The following PHF20 variants were observed in gnomAD, a reference collection of about 807,000 sequenced individuals.
The protein encoded by PHF20 is PHD finger protein 20.
In PHF20, 23 loss-of-function variants were observed where a neutral mutation model predicts 113.5. The observed-to-expected ratio is 0.20, with a 90% CI of 0.15 to 0.29. The LOEUF (loss-of-function observed/expected upper bound fraction) is 0.29, where lower values mean the gene tolerates loss of function less well. Among genes scored for constraint, PHF20 ranks in the 10% least tolerant of loss-of-function variants. The pLI is 1.00. For synonymous variants in PHF20, 434 were observed against 457.3 expected (o/e 0.95, Z 0.65); for missense variants, 943 against 1,219.6 (o/e 0.77, Z 3.38).
At chr20:35,829,390 GT>G (rs2042318271) in intron 2 of PHF20, among the ~76,000 whole-genome samples, 1 of 151,810 alleles carries the variant, frequency 6.6e-6, no homozygotes, top group Admixed American at 6.6e-5. Flanking sequence ...TTCTCACTCT[GT>G]TGCCAGGCTG....
intron 6 of PHF20, among the ~76,000 whole-genome samples, chr20:35,864,992 C>G (rs2146976806): frequency 6.6e-6 from 1 of 152,106 alleles, no homozygotes; most frequent in South Asian, 2.1e-4. Context: ...TTGAGACCAG[C>G]CTGGCCAACA....
chr20:35,824,359 A>G (rs1162663390), intron 2 of PHF20, among the ~76,000 whole-genome samples: 2 of 152,162 alleles, frequency 1.3e-5, no homozygotes, highest in African/African-American at 4.8e-5. Flanking sequence ...CTGTAATCCA[A>G]GCACTTTGGG....
At chr20:35,910,821 G>A (rs570027328) in intron 10 of PHF20, among the ~76,000 whole-genome samples, 1 of 152,112 alleles carries the variant, frequency 6.6e-6, no homozygotes, top group Admixed American at 6.5e-5. Flanking sequence ...TACAGATGGG[G>A]TTTTATCGTA....
In PHF20 at chr20:35,948,113, CATGCTGTGGAGGTTGGGA is replaced by C. The variant is rs1024488542; in HGVS notation, c.*488_*505del. ...CTTCATAGGAATATTGTGAGCTCAC[CATGCTGTGGAGGTTGGGA>C]AAGAGCAGAGTCTTGGCTGCCCTGC... On this transcript the variant is annotated 3_prime_UTR_variant, in exon 18 of 18. Transcript: ENST00000374012. 2 of 162,168 alleles carry C rather than the reference CATGCTGTGGAGGTTGGGA, an allele frequency of 1.2e-5. No individual in the cohort carries two copies. The highest frequency in any genetic ancestry group is 2.4e-5 in the African/African-American group (1 of 41,598). The allele number at this position is 162,168 out of a possible 1,614,324, so 10.0% of individuals were successfully genotyped here. A position where few individuals can be genotyped will look rare whatever the true frequency, so the allele number is the denominator to read the frequency against.
intron 2 of PHF20, among the ~76,000 whole-genome samples, chr20:35,820,264 CT>C (rs2042144818): frequency 6.6e-6 from 1 of 152,112 alleles, no homozygotes; most frequent in Admixed American, 6.6e-5. Context: ...AGAAAGATGA[CT>C]TTTGATGCCA....
intron 2 of PHF20, among the ~76,000 whole-genome samples, chr20:35,808,247 A>C (rs1026966859): frequency 6.6e-6 from 1 of 151,498 alleles, no homozygotes; most frequent in Non-Finnish European, 1.5e-5. Context: ...TTCCTTCCTT[A>C]CTTTTTTTCT....
At chr20:35,793,978 A>G in intron 1 of PHF20, among the ~76,000 whole-genome samples, 1 of 132,052 alleles carries the variant, frequency 7.6e-6, no homozygotes. Context: ...CTGGGCGACA[A>G]GAGCGGGACT....
Position 35,881,577 on chromosome 20 carries a change from A to G in PHF20, c.1282+9748A>G, listed in dbSNP as rs371770643. Among the ~76,000 whole-genome samples, 36 of 151,728 alleles carry G rather than the reference A, an allele frequency of 2.4e-4. 2 individuals are homozygous for G. The highest frequency in any genetic ancestry group is 1.8e-3 in the Admixed American group (27 of 15,228). The stretch of plus-strand genomic sequence containing the variant: ...AAAAAGAAAAAGAAAAAAATATTCC[A>G]TATTTCCTAAAGACAAGGACATTCT... On this transcript the variant is annotated intron_variant, in intron 9 of 17. Transcript: ENST00000374012.
intron 9 of PHF20, among the ~76,000 whole-genome samples, chr20:35,876,703 G>T (rs2054529057): frequency 6.6e-6 from 1 of 151,958 alleles, no homozygotes; most frequent in Admixed American, 6.6e-5. Flanking sequence ...GGGCGTGGTG[G>T]CTCACGCCTG....
At chr20:35,941,183 A>C in intron 17 of PHF20, 136 bp downstream of exon 17, 2 of 616,436 alleles carry the variant, frequency 3.2e-6, no homozygotes, top group Non-Finnish European at 5.6e-6. Flanking sequence ...GCCTCTCCCC[A>C]CCTCCATTCT....
At chr20:35,889,404 C>T (rs1040587920) in intron 9 of PHF20, among the ~76,000 whole-genome samples, 2 of 151,028 alleles carry the variant, frequency 1.3e-5, no homozygotes, top group Admixed American at 1.3e-4. Flanking sequence ...CTCTGTCACC[C>T]AGGCTGGAGT....
chr20:35,798,178 T>C (rs1178101196), intron 1 of PHF20, among the ~76,000 whole-genome samples: 2 of 152,106 alleles, frequency 1.3e-5, no homozygotes, highest in Non-Finnish European at 2.9e-5. Context: ...TTTGGGAGGC[T>C]GAGTCAGGAG....
intron 14 of PHF20, 76 bp downstream of exon 14, chr20:35,927,955 A>C: frequency 1.0e-6 from 1 of 1,004,734 alleles, no homozygotes; most frequent in Non-Finnish European, 1.6e-6. Flanking sequence ...CACATTCTAA[A>C]TGTCTGCGGT....
At chr20:35,836,149 C>T (rs2042436271) in intron 2 of PHF20, among the ~76,000 whole-genome samples, 1 of 152,014 alleles carries the variant, frequency 6.6e-6, no homozygotes, top group Non-Finnish European at 1.5e-5. Flanking sequence ...GCTGGGACAA[C>T]AGGCACACAC....
At chr20:35,946,184 A>G (rs1365718694) in intron 17 of PHF20, among the ~76,000 whole-genome samples, 1 of 151,758 alleles carries the variant, frequency 6.6e-6, no homozygotes, top group Non-Finnish European at 1.5e-5. Flanking sequence ...AAAGAAAAAA[A>G]AAGGCCAGGC....
chr20:35,811,586 G>C (rs1346028638), intron 2 of PHF20, among the ~76,000 whole-genome samples: 2 of 151,660 alleles, frequency 1.3e-5, no homozygotes, highest in Non-Finnish European at 1.5e-5. Flanking sequence ...CGGATTACAT[G>C]CATGCGCCAC....
At chr20:35,785,728 T>A (rs143851541) in intron 1 of PHF20, among the ~76,000 whole-genome samples, 1 of 152,192 alleles carries the variant, frequency 6.6e-6, no homozygotes, top group Non-Finnish European at 1.5e-5. Flanking sequence ...CATCTCCAAA[T>A]TGTTTTCCTT....
chr20:35,827,676 G>A (rs933624511), intron 2 of PHF20, among the ~76,000 whole-genome samples: 31 of 151,734 alleles, frequency 2.0e-4, no homozygotes, highest in African/African-American at 5.8e-4. Flanking sequence ...CCAGCTACTC[G>A]GGAGGCTGAG....
intron 2 of PHF20, among the ~76,000 whole-genome samples, chr20:35,813,547 T>C (rs1245025082): frequency 1.3e-5 from 2 of 152,012 alleles, no homozygotes; most frequent in African/African-American, 4.8e-5. Context: ...GTTTCTTTAA[T>C]TAGGAAAGGG....
Sources: gnomAD v4.1 joint callset for allele counts (sites outside exome capture counted in the v4.1 genomes callset) on GRCh38, gnomAD v4.1.1 for gene constraint, MANE v1.5 for transcripts, NCBI Gene and HGNC (gene_info 2026-07-23, HGNC 2026-07-21) for gene names.